Variants in TYW1 observed in about 807,000 individuals in gnomAD.
TYW1 encodes tRNA-yW synthesizing protein 1 homolog.
A neutral mutation model predicts 96.2 loss-of-function variants in TYW1; 46 were observed. That is an observed-to-expected ratio of 0.48 (90% CI 0.38 to 0.61). The LOEUF is 0.61. Ranked by LOEUF, TYW1 falls within the 20% of genes least tolerant of loss-of-function variation. The probability of loss-of-function intolerance (pLI) is 0.00; values close to 1 mark genes in which losing one functional copy is unlikely to be tolerated. For missense variants in TYW1, 684 were observed against 909.6 expected, an observed-to-expected ratio of 0.75 and a Z score of 3.19; for synonymous variants, 274 against 323.0, an observed-to-expected ratio of 0.85 and a Z score of 1.63.
chr7:67,000,188 G>A (rs1421080811), intron 3 of TYW1, among the ~76,000 whole-genome samples: 2 of 151,814 alleles, frequency 1.3e-5, no homozygotes, highest in African/African-American at 4.8e-5. Flanking sequence ...TGCCCGCCTC[G>A]GCCTCCTAAA....
intron 7 of TYW1, among the ~76,000 whole-genome samples, chr7:67,035,956 C>T (rs747871073): frequency 1.3e-5 from 2 of 150,824 alleles, no homozygotes; most frequent in African/African-American, 4.8e-5. Flanking sequence ...GGATTACAGG[C>T]GTGAGCCACT....
chr7:67,053,529 G>A (rs1486588267), intron 8 of TYW1, among the ~76,000 whole-genome samples: 1 of 151,618 alleles, frequency 6.6e-6, no homozygotes, highest in African/African-American at 2.4e-5. Context: ...ACATGCATAC[G>A]CCACCACGCC....
At chr7:67,211,380 C>T (rs1233680786) in intron 15 of TYW1, among the ~76,000 whole-genome samples, 1 of 152,152 alleles carries the variant, frequency 6.6e-6, no homozygotes. Context: ...TCTCAGTCAG[C>T]CACGTGTTTT....
intron 11 of TYW1, among the ~76,000 whole-genome samples, chr7:67,087,972 T>C (rs1796601821): frequency 6.6e-6 from 1 of 152,132 alleles, no homozygotes; most frequent in Non-Finnish European, 1.5e-5. Flanking sequence ...CAAGTGATCC[T>C]CCCACCTCAG....
At chr7:67,171,949 G>T (rs955166288) in intron 13 of TYW1, among the ~76,000 whole-genome samples, 2 of 151,752 alleles carry the variant, frequency 1.3e-5, no homozygotes, top group Admixed American at 6.6e-5. Flanking sequence ...CTAGTCTATC[G>T]TGCATCTCTG....
chr7:67,041,460 C>T (rs1171291184), intron 7 of TYW1, among the ~76,000 whole-genome samples: 9 of 152,086 alleles, frequency 5.9e-5, no homozygotes, highest in African/African-American at 1.9e-4. Flanking sequence ...CCACCACGCC[C>T]GGCTAATTTT....
At chr7:67,222,274 A>G (rs1190086357) in intron 15 of TYW1, among the ~76,000 whole-genome samples, 1 of 152,112 alleles carries the variant, frequency 6.6e-6, no homozygotes, top group African/African-American at 2.4e-5. Context: ...TTGCCCATAT[A>G]TTTACCTTTA....
At chr7:67,050,309 G>C (rs1795315528) in intron 8 of TYW1, among the ~76,000 whole-genome samples, 1 of 152,144 alleles carries the variant, frequency 6.6e-6, no homozygotes, top group Non-Finnish European at 1.5e-5. Context: ...CAGATCAAAA[G>C]TGCTGTCATT....
intron 7 of TYW1, among the ~76,000 whole-genome samples, chr7:67,029,418 T>TACATATATATATATAC (rs1359150738): frequency 6.8e-5 from 9 of 131,390 alleles, no homozygotes; most frequent in African/African-American, 2.0e-4. Flanking sequence ...TGTGTGTGTA[T>TACATATATATATATAC]ATATATATAT....
chr7:67,133,400 T>C (rs1481737700), intron 13 of TYW1, among the ~76,000 whole-genome samples: 1 of 152,116 alleles, frequency 6.6e-6, no homozygotes, highest in Non-Finnish European at 1.5e-5. Context: ...ACCTTGGCTT[T>C]CAAAAGTGCT....
At chr7:67,030,152 A>C (rs1353981816) in intron 7 of TYW1, among the ~76,000 whole-genome samples, 1 of 152,188 alleles carries the variant, frequency 6.6e-6, no homozygotes, top group Non-Finnish European at 1.5e-5. Context: ...AGATTGGTTA[A>C]ATCATTGGGC....
chr7:67,014,057 A>G (rs1035801308), intron 4 of TYW1, among the ~76,000 whole-genome samples: 81 of 151,758 alleles, frequency 5.3e-4, no homozygotes, highest in Non-Finnish European at 7.2e-4. Flanking sequence ...TTTTTTCTTG[A>G]TTGATTTGGA....
At chr7:67,108,345 G>C (rs1358047376) in intron 12 of TYW1, among the ~76,000 whole-genome samples, 3 of 152,038 alleles carry the variant, frequency 2.0e-5, no homozygotes, top group African/African-American at 4.8e-5. Context: ...GATAAAATTA[G>C]TAGGAGTATT....
intron 7 of TYW1, among the ~76,000 whole-genome samples, chr7:67,047,106 A>C (rs1361571442): frequency 1.3e-5 from 2 of 152,186 alleles, no homozygotes; most frequent in Non-Finnish European, 2.9e-5. Flanking sequence ...GAGGGCAAAT[A>C]CTGCCATGTC....
At chr7:67,027,223 C>T (rs1794480810) in intron 7 of TYW1, among the ~76,000 whole-genome samples, 1 of 151,148 alleles carries the variant, frequency 6.6e-6, no homozygotes, top group African/African-American at 2.4e-5. Context: ...AGATGTGAAA[C>T]GTCTGTTAGC....
intron 4 of TYW1, among the ~76,000 whole-genome samples, chr7:67,011,411 C>T (rs1793791072): frequency 6.6e-6 from 1 of 152,222 alleles, no homozygotes; most frequent in Admixed American, 6.5e-5. Flanking sequence ...TCCAGTCATG[C>T]CCAGTTAGGG....
intron 10 of TYW1, among the ~76,000 whole-genome samples, chr7:67,072,688 A>T (rs548414278): frequency 2.2e-4 from 33 of 152,318 alleles, no homozygotes; most frequent in African/African-American, 4.3e-4. Context: ...TACAAATCCT[A>T]GCCATCATAT....
intron 3 of TYW1, among the ~76,000 whole-genome samples, chr7:67,003,337 T>C (rs1230473213): frequency 1.3e-5 from 2 of 152,018 alleles, no homozygotes; most frequent in Non-Finnish European, 2.9e-5. Flanking sequence ...GCAGATTCTG[T>C]TTGTTCTACT....
intron 13 of TYW1, among the ~76,000 whole-genome samples, chr7:67,122,100 G>A (rs1006203894): frequency 6.6e-6 from 1 of 151,958 alleles, no homozygotes; most frequent in Non-Finnish European, 1.5e-5. Context: ...GCTGAACTAT[G>A]ATTATGCCAA....
Sources: allele counts gnomAD v4.1 joint callset (sites outside exome capture counted in the v4.1 genomes callset), GRCh38; gene constraint gnomAD v4.1.1; transcripts MANE v1.5; gene names NCBI Gene and HGNC (gene_info 2026-07-23, HGNC 2026-07-21).